Variants in TAFA4 observed in about 807,000 individuals in gnomAD.
TAFA4 encodes chemokine-like protein TAFA-4.
TAFA4 carries 20 observed loss-of-function variants against 21.1 expected under a neutral mutation model. That is an observed-to-expected ratio of 0.95 (90% CI 0.67 to 1.38). The LOEUF (loss-of-function observed/expected upper bound fraction) is 1.38. TAFA4 is among the 40% of genes most tolerant of loss of function. TAFA4 has a pLI of 0.00. For synonymous variants in TAFA4, 71 were observed against 67.4 expected, an observed-to-expected ratio of 1.05 and a Z score of -0.26; for missense variants, 211 against 180.9, an observed-to-expected ratio of 1.17 and a Z score of -0.95.
rs142298694 is a variant in TAFA4, at chr3:68,894,603, T to C, written c.-122-9293A>G. On this transcript the variant is annotated intron_variant, in intron 1 of 5. Transcript: ENST00000295569. ...TGGGGGAAATTAACAAGACTGATTC[T>C]TGTCAATTCAAGACAAATCTAACTG... 4.4e-3 allele frequency among the ~76,000 whole-genome samples: 671 copies of C among 152,310 alleles called. 1 individual carries two copies. Among genetic ancestry groups the C allele is most frequent in the Non-Finnish European group, 7.1e-3 (485 of 68,036 alleles).
At chr3:68,898,159 G>A (rs2089811111) in intron 1 of TAFA4, among the ~76,000 whole-genome samples, 1 of 152,180 alleles carries the variant, frequency 6.6e-6, no homozygotes. Flanking sequence ...TTTATAGCTT[G>A]AGCAAAGGTC....
rs77014988 is a variant in TAFA4 at position 68,931,664 on chromosome 3, C to T, written c.-123+576G>A. Among the ~76,000 whole-genome samples the T allele has an allele frequency of 6.5e-3, 996 of 152,124 alleles. 7 individuals carry two copies. Among genetic ancestry groups the T allele is most frequent in the Middle Eastern group, 0.024 (7 of 294 alleles). Reference sequence around the variant, plus strand: ...AAGAGACGCAACTTCCAGACCCGCTCCAGTTCTCCACTTGGGCGGGAAGCT... The same window carrying T: ...AAGAGACGCAACTTCCAGACCCGCTTCAGTTCTCCACTTGGGCGGGAAGCT... On this transcript the variant is annotated intron_variant, in intron 1 of 5. Transcript: ENST00000295569.
chr3:68,733,697 G>A (rs2106718192), intron 5 of TAFA4, among the ~76,000 whole-genome samples: 1 of 152,240 alleles, frequency 6.6e-6, no homozygotes, highest in East Asian at 1.9e-4. Context: ...TTCTATTCAT[G>A]TAAGAAATTT....
chr3:68,758,099 G>A (rs975036279), intron 3 of TAFA4, among the ~76,000 whole-genome samples: 1 of 152,182 alleles, frequency 6.6e-6, no homozygotes, highest in Non-Finnish European at 1.5e-5. Context: ...ATGAAGGAAA[G>A]GTTCCCCTCT....
intron 1 of TAFA4, among the ~76,000 whole-genome samples, chr3:68,890,308 GAACTTTTCATT>G: frequency 6.6e-6 from 1 of 152,230 alleles, no homozygotes; most frequent in South Asian, 2.1e-4. Flanking sequence ...ACTCTTCTAT[GAACTTTTCATT>G]AAATTGGAAA....
At chr3:68,885,431 G>T (rs2089661961) in intron 1 of TAFA4, 121 bp from the exon 2 acceptor site, 1 of 529,610 alleles carries the variant, frequency 1.9e-6, no homozygotes. Flanking sequence ...TCAGGCAAGT[G>T]GCAGACAGCC....
chr3:68,787,291 C>A (rs1296324545), intron 3 of TAFA4, among the ~76,000 whole-genome samples: 1 of 152,184 alleles, frequency 6.6e-6, no homozygotes. Context: ...CCCCTACACT[C>A]ACTATTAAAA....
At chr3:68,867,203 A>G (rs1310989060) in intron 3 of TAFA4, among the ~76,000 whole-genome samples, 2 of 152,136 alleles carry the variant, frequency 1.3e-5, no homozygotes, top group African/African-American at 4.8e-5. Context: ...AGCTAATAAC[A>G]TGTTGAGGAG....
intron 4 of TAFA4, among the ~76,000 whole-genome samples, chr3:68,751,787 G>A (rs1379952460): frequency 4.6e-5 from 7 of 152,178 alleles, no homozygotes; most frequent in East Asian, 1.9e-4. Flanking sequence ...TGGGGTGCAA[G>A]TGGAGAGTAC....
chr3:68,767,783 AATAT>A (rs916418744), intron 3 of TAFA4, among the ~76,000 whole-genome samples: 11 of 151,426 alleles, frequency 7.3e-5, no homozygotes, highest in Non-Finnish European at 1.6e-4. Flanking sequence ...TATACATACA[AATAT>A]ATATATATAT....
chr3:68,792,961 C>T (rs1703390615), intron 3 of TAFA4, among the ~76,000 whole-genome samples: 1 of 152,146 alleles, frequency 6.6e-6, no homozygotes, highest in African/African-American at 2.4e-5. Context: ...TTCTTATTCT[C>T]TTCATGATCC....
chr3:68,839,520 G>A (rs748719413), intron 3 of TAFA4, among the ~76,000 whole-genome samples: 9 of 152,164 alleles, frequency 5.9e-5, no homozygotes, highest in Non-Finnish European at 1.2e-4. Flanking sequence ...TGATGTAAAT[G>A]AGAAAGATTC....
At chr3:68,870,729 C>G (rs2089472141) in intron 3 of TAFA4, among the ~76,000 whole-genome samples, 1 of 152,032 alleles carries the variant, frequency 6.6e-6, no homozygotes, top group African/African-American at 2.4e-5. Context: ...TAATACTCTC[C>G]CTCCCCTTGC....
At chr3:68,800,280 C>T (rs1010528199) in intron 3 of TAFA4, among the ~76,000 whole-genome samples, 5 of 152,232 alleles carry the variant, frequency 3.3e-5, no homozygotes, top group Middle Eastern at 3.4e-3. Context: ...TGCCCTAGAG[C>T]ATCCAGAAGG....
intron 4 of TAFA4, among the ~76,000 whole-genome samples, chr3:68,749,988 A>C (rs1040526442): frequency 2.0e-5 from 3 of 152,226 alleles, no homozygotes; most frequent in Admixed American, 6.5e-5. Flanking sequence ...GTGCATCATC[A>C]CAGAACATTT....
intron 3 of TAFA4, among the ~76,000 whole-genome samples, chr3:68,792,496 C>T (rs1171380530): frequency 1.3e-5 from 2 of 152,054 alleles, no homozygotes; most frequent in Non-Finnish European, 2.9e-5. Flanking sequence ...AGTTTGCAAA[C>T]CTCCACAGTA....
At chr3:68,807,498 G>A (rs998302384) in intron 3 of TAFA4, among the ~76,000 whole-genome samples, 1 of 152,132 alleles carries the variant, frequency 6.6e-6, no homozygotes, top group Admixed American at 6.6e-5. Context: ...AATGACATTT[G>A]ATATCTTACA....
At chr3:68,845,324 T>C (rs552576809) in intron 3 of TAFA4, among the ~76,000 whole-genome samples, 13 of 152,334 alleles carry the variant, frequency 8.5e-5, no homozygotes, top group African/African-American at 2.9e-4. Flanking sequence ...GAGACTAGTA[T>C]TGCAACCCCT....
chr3:68,744,769 A>C (rs1292130290), intron 4 of TAFA4, among the ~76,000 whole-genome samples: 1 of 152,180 alleles, frequency 6.6e-6, no homozygotes, highest in Non-Finnish European at 1.5e-5. Flanking sequence ...TAAATTAAAA[A>C]ATTTAAAAAG....
Sources: gnomAD v4.1 joint callset for allele counts (sites outside exome capture counted in the v4.1 genomes callset) on GRCh38, gnomAD v4.1.1 for gene constraint, MANE v1.5 for transcripts, NCBI Gene and HGNC (gene_info 2026-07-23, HGNC 2026-07-21) for gene names.